The following NRXN3 variants were observed in gnomAD, a reference collection of about 807,000 sequenced individuals.
The protein encoded by NRXN3 is neurexin 3.
In NRXN3, 32 loss-of-function variants were observed where a neutral mutation model predicts 137.6. The observed-to-expected ratio is 0.23, with a 90% CI of 0.18 to 0.31. The LOEUF is 0.31. Ranked by LOEUF, NRXN3 falls within the 10% of genes least tolerant of loss-of-function variation. NRXN3 has a pLI of 1.00. For missense variants in NRXN3, 1,574 were observed against 2,062.5 expected (o/e 0.76, Z 4.59); for synonymous variants, 798 against 784.5 (o/e 1.02, Z -0.29).
At chr14:78,874,380 G>A (rs970297189) in intron 10 of NRXN3, among the ~76,000 whole-genome samples, 1 of 152,242 alleles carries the variant, frequency 6.6e-6, no homozygotes, top group Admixed American at 6.5e-5. Context: ...AATCAATGTG[G>A]AATAGGGCTG....
intron 19 of NRXN3, among the ~76,000 whole-genome samples, chr14:79,753,560 G>T (rs931978063): frequency 2.6e-5 from 3 of 116,004 alleles, no homozygotes; most frequent in Non-Finnish European, 5.2e-5. Flanking sequence ...TCACACTCTG[G>T]GGACTGTTGT....
chr14:79,500,624 T>A (rs2096816642), intron 16 of NRXN3, among the ~76,000 whole-genome samples: 1 of 152,200 alleles, frequency 6.6e-6, no homozygotes, highest in Admixed American at 6.5e-5. Context: ...TTCGTTTGTG[T>A]CTTAGTATGC....
intron 6 of NRXN3, among the ~76,000 whole-genome samples, chr14:78,690,511 G>A (rs1445985752): frequency 2.0e-5 from 3 of 152,122 alleles, no homozygotes; most frequent in Non-Finnish European, 4.4e-5. Flanking sequence ...TAAATTGTAA[G>A]CTCCTTAAGG....
At chr14:78,877,845 G>T (rs1309756190) in intron 10 of NRXN3, among the ~76,000 whole-genome samples, 1 of 152,174 alleles carries the variant, frequency 6.6e-6, no homozygotes, top group African/African-American at 2.4e-5. Flanking sequence ...CCTTCCAGGT[G>T]CCAGATACTA....
intron 15 of NRXN3, among the ~76,000 whole-genome samples, chr14:79,127,741 T>A (rs1323890751): frequency 6.6e-6 from 1 of 152,114 alleles, no homozygotes; most frequent in Non-Finnish European, 1.5e-5. Context: ...ATGGGGATGG[T>A]ATTGAATCTG....
At chr14:78,506,643 GTTTTTT>G (rs71131653) in intron 4 of NRXN3, among the ~76,000 whole-genome samples, 3 of 105,362 alleles carry the variant, frequency 2.8e-5, no homozygotes, top group African/African-American at 1.1e-4. Flanking sequence ...TCTCATTGTA[GTTTTTT>G]TTTTTTTTTT....
intron 10 of NRXN3, among the ~76,000 whole-genome samples, chr14:78,827,770 A>G (rs2098971105): frequency 6.6e-6 from 1 of 152,248 alleles, no homozygotes; most frequent in African/African-American, 2.4e-5. Flanking sequence ...CCTCATGGCC[A>G]GGCCTCACTC....
chr14:79,322,563 A>G (rs1598707919), intron 15 of NRXN3, among the ~76,000 whole-genome samples: 1 of 152,218 alleles, frequency 6.6e-6, no homozygotes, highest in East Asian at 1.9e-4. Context: ...AATAAAGTAT[A>G]TTCAATTAAT....
intron 17 of NRXN3, among the ~76,000 whole-genome samples, chr14:79,676,451 A>AT (rs1252874666): frequency 6.6e-6 from 1 of 151,694 alleles, no homozygotes; most frequent in African/African-American, 2.4e-5. Flanking sequence ...ATTGTATAGT[A>AT]TTTTTTTTCT....
chr14:79,836,346 T>C (rs1042594811), intron 20 of NRXN3, among the ~76,000 whole-genome samples: 1 of 152,132 alleles, frequency 6.6e-6, no homozygotes, highest in Non-Finnish European at 1.5e-5. Flanking sequence ...CTGATGATGC[T>C]CATTCAAACT....
intron 20 of NRXN3, among the ~76,000 whole-genome samples, chr14:79,825,437 T>C (rs1352569870): frequency 1.3e-5 from 2 of 152,214 alleles, no homozygotes; most frequent in African/African-American, 4.8e-5. Flanking sequence ...AGTAGCCACG[T>C]TGACCCTAGT....
chr14:79,020,494 A>G (rs565944647), intron 15 of NRXN3, among the ~76,000 whole-genome samples: 17 of 146,540 alleles, frequency 1.2e-4, no homozygotes, highest in Admixed American at 8.2e-4. Context: ...TGAATTCTCA[A>G]CCTCAGGTGA....
chr14:78,844,772 G>A (rs1039811482), intron 10 of NRXN3, among the ~76,000 whole-genome samples: 1 of 152,036 alleles, frequency 6.6e-6, no homozygotes, highest in Non-Finnish European at 1.5e-5. Flanking sequence ...ATTCTGGAGT[G>A]TGATGGTTAA....
intron 19 of NRXN3, among the ~76,000 whole-genome samples, chr14:79,752,225 T>TATAG (rs2099000487): frequency 6.6e-6 from 1 of 151,578 alleles, no homozygotes; most frequent in Admixed American, 6.6e-5. Flanking sequence ...CTTGGTAAGC[T>TATAG]ATTGATTATT....
At chr14:79,504,641 T>TATATATATATATATATATA (rs1555491923) in intron 16 of NRXN3, among the ~76,000 whole-genome samples, 17 of 97,886 alleles carry the variant, frequency 1.7e-4, no homozygotes, top group African/African-American at 4.1e-4. Flanking sequence ...ATGAAGTTTT[T>TATATATATATATATATATA]TATATATATA....
chr14:79,772,378 A>C (rs1375150488), intron 19 of NRXN3, among the ~76,000 whole-genome samples: 1 of 152,138 alleles, frequency 6.6e-6, no homozygotes, highest in Non-Finnish European at 1.5e-5. Flanking sequence ...TTCAAACTAT[A>C]CTACAAGGCT....
chr14:79,803,193 GT>G (rs1384194025), intron 19 of NRXN3, among the ~76,000 whole-genome samples: 3 of 152,136 alleles, frequency 2.0e-5, no homozygotes, highest in Admixed American at 2.0e-4. Flanking sequence ...ATCTAATGTG[GT>G]TTTTCCAGTT....
rs150565911 is a variant in NRXN3 at position 78,376,522 on chromosome 14, A to G, written c.757+78662A>G. 5.8e-3 allele frequency among the ~76,000 whole-genome samples: 876 copies of G among 152,150 alleles called. 7 individuals are homozygous for G. Among genetic ancestry groups the G allele is most frequent in the African/African-American group, 0.02 (846 of 41,492 alleles). On this transcript the variant is annotated intron_variant, in intron 4 of 20. Transcript: ENST00000335750. The stretch of plus-strand genomic sequence containing the variant: ...ACCCAATGACATTATATATAAGAAG[A>G]CTCTGAAACATGAGAGGGAAAAGGG...
intron 15 of NRXN3, among the ~76,000 whole-genome samples, chr14:79,224,773 C>T (rs1330182939): frequency 1.3e-5 from 2 of 152,028 alleles, no homozygotes; most frequent in Non-Finnish European, 2.9e-5. Context: ...CAGACACAGA[C>T]ACATGAGGAA....
Sources: allele counts gnomAD v4.1 joint callset (sites outside exome capture counted in the v4.1 genomes callset), GRCh38; gene constraint gnomAD v4.1.1; transcripts MANE v1.5; gene names NCBI Gene and HGNC (gene_info 2026-07-23, HGNC 2026-07-21).